The following ZNF215 variants were observed in gnomAD, a reference collection of about 807,000 sequenced individuals.
ZNF215 encodes the protein BWSCR2-associated zinc finger protein 2.
A neutral mutation model predicts 27.2 loss-of-function variants in ZNF215; 24 were observed. The ratio of observed to expected loss-of-function variants is 0.88; its 90% CI spans 0.64 to 1.24. ZNF215 has a LOEUF of 1.24. ZNF215 is among the 50% of genes most tolerant of loss of function. The pLI, the probability that ZNF215 is intolerant of heterozygous loss-of-function variation, is 0.00. For missense variants in ZNF215, 675 were observed against 605.7 expected (o/e 1.11, Z -1.20); for synonymous variants, 210 against 204.0 (o/e 1.03, Z -0.25).
At chr11:6,958,637 G>A (rs1324779632), downstream of ZNF215, among the ~76,000 whole-genome samples, 1 of 152,158 alleles carries the variant, frequency 6.6e-6, no homozygotes, top group Non-Finnish European at 1.5e-5. Context: ...AGTTTATTAA[G>A]GAGTATTGAT....
intron 4 of ZNF215, 40 bp downstream of exon 4, chr11:6,941,693 A>G (rs1355916878): frequency 6.3e-7 from 1 of 1,594,982 alleles, no homozygotes; most frequent in Admixed American, 1.7e-5. Context: ...ACATATGCTC[A>G]TTTTTAGTAT....
rs925998763 is a variant in ZNF215 at position 6,934,461 on chromosome 11, C to A, written c.400+1789C>A. On this transcript the variant is annotated intron_variant, in intron 3 of 6. Coordinates refer to ENST00000278319, the MANE Select transcript of ZNF215 (RefSeq NM_013250.4). ...CAACATGAATATATTATTCTACAAG[C>A]CTGTACATCAGAGATCCAACACGGG... Among the ~76,000 whole-genome samples the A allele has an allele frequency of 3.9e-5, 6 of 152,178 alleles. No individual in the cohort carries two copies. The East Asian group carries it at 9.7e-4, about 25-fold the overall frequency.
chr11:6,950,120 GT>G (rs1392310845), intron 6 of ZNF215, among the ~76,000 whole-genome samples: 2 of 151,592 alleles, frequency 1.3e-5, no homozygotes, highest in Admixed American at 6.6e-5. Context: ...GTATCATGCT[GT>G]TTTGGTTACT....
Position 6,956,095 on chromosome 11 carries a change from A to G in ZNF215, c.1118A>G (p.His373Arg), listed in dbSNP as rs751598080. 3 of 1,613,168 alleles carry G rather than the reference A, an allele frequency of 1.9e-6. No homozygotes were observed. Among genetic ancestry groups the G allele is most frequent in the Non-Finnish European group, 2.5e-6 (3 of 1,179,846 alleles). ...ACAGATATTCGACACCAAAAAAGTC[A>G]TACTACAATGAATTCCTATGAATGT... ...LSTDIRHQKS[H>R]TTMNSYECYQ... Residue 373 changes from histidine (H) to arginine (R), a missense_variant, in exon 7 of 7, where the codon CAT becomes CGT. His to Arg is a conservative substitution (Grantham distance 29, BLOSUM62 0). Transcript: ENST00000278319.
downstream of ZNF215, among the ~76,000 whole-genome samples, chr11:6,961,305 G>T (rs747499690): frequency 1.3e-5 from 2 of 152,052 alleles, no homozygotes; most frequent in Non-Finnish European, 1.5e-5. Flanking sequence ...TATGACCCTG[G>T]AGCCAATGAC....
Position 6,956,386 on chromosome 11 carries a change from C to A in ZNF215, c.1409C>A (p.Ser470Tyr), listed in dbSNP as rs781607242. 5.6e-6 allele frequency: 9 copies of A among 1,614,040 alleles called. No homozygotes were observed. The Admixed American group carries it at 6.7e-5, about 12-fold the overall frequency. Residue 470 changes from serine to tyrosine, a missense_variant, in exon 7 of 7, where the codon TCC (serine) becomes TAC (tyrosine). Ser to Tyr is a moderately radical substitution (Grantham distance 144). Transcript: ENST00000278319. The part of the protein sequence containing the change: ...NFYQCVNCGK[S>Y]FNRSSSLIRH... ...TATCAATGTGTTAACTGTGGAAAATCCTTCAACCGGAGCTCCTCTCTTATT... is the reference window on the plus strand; with the variant it reads ...TATCAATGTGTTAACTGTGGAAAATACTTCAACCGGAGCTCCTCTCTTATT...
chr11:6,948,197 G>A (rs937640086), intron 6 of ZNF215, among the ~76,000 whole-genome samples: 2 of 152,156 alleles, frequency 1.3e-5, no homozygotes, highest in African/African-American at 4.8e-5. Context: ...CAAAATATTT[G>A]TGTTCTTCTC....
At chr11:6,927,282 C>T (rs996854878) in intron 1 of ZNF215, among the ~76,000 whole-genome samples, 1 of 152,150 alleles carries the variant, frequency 6.6e-6, no homozygotes, top group Non-Finnish European at 1.5e-5. Flanking sequence ...ATAATTCTTT[C>T]TCCATTTAAC....
At chr11:6,987,309 G>A (rs191342932), downstream of ZNF215, among the ~76,000 whole-genome samples, 327 of 152,236 alleles carry the variant, frequency 2.1e-3, 1 homozygote, top group Middle Eastern at 3.4e-3. Context: ...TTATACCACG[G>A]AGCTAAACAT....
At chr11:6,992,348 C>A (rs1376786066), downstream of ZNF215, among the ~76,000 whole-genome samples, 1 of 152,148 alleles carries the variant, frequency 6.6e-6, no homozygotes. Flanking sequence ...AGCAAAGTGG[C>A]ATAATTAATA....
At chr11:6,950,563 G>T (rs1349529136) in intron 6 of ZNF215, among the ~76,000 whole-genome samples, 1 of 151,498 alleles carries the variant, frequency 6.6e-6, no homozygotes, top group Non-Finnish European at 1.5e-5. Flanking sequence ...GAATGCTTGT[G>T]ATTTTTGTAC....
intron 3 of ZNF215, 28 bp from the exon 4 acceptor site, chr11:6,941,543 C>A: frequency 6.2e-7 from 1 of 1,608,012 alleles, no homozygotes; most frequent in South Asian, 1.1e-5. Flanking sequence ...AAACTTGTCT[C>A]CCTAATATTT....
At chr11:6,970,938 A>G (rs773146668) in intron 5 of ZNF215, among the ~76,000 whole-genome samples, 5 of 152,170 alleles carry the variant, frequency 3.3e-5, no homozygotes, top group Admixed American at 6.6e-5. Flanking sequence ...GGGGAACTTT[A>G]TCATGCTCTT....
In ZNF215 at chr11:6,932,261, C is replaced by G. The variant is rs757278204; in HGVS notation, c.-12C>G. ...GCGGATTTGAACTACTGTGGGAGTT[C>G]TATTTAGGAAGATGCAGCCTCTGAG... On this transcript the variant is annotated 5_prime_UTR_variant, in exon 3 of 7. Transcript: ENST00000278319. 3 of 1,609,734 alleles carry G rather than the reference C, an allele frequency of 1.9e-6. No homozygotes were observed. The Admixed American group carries it at 5.0e-5, about 27-fold the overall frequency.
downstream of ZNF215, among the ~76,000 whole-genome samples, chr11:6,991,416 C>G (rs1450095563): frequency 6.6e-6 from 1 of 152,208 alleles, no homozygotes; most frequent in Non-Finnish European, 1.5e-5. Flanking sequence ...TGTGGCAGCA[C>G]ACACCGTCGG....
At chr11:6,977,555 C>T (rs1335212265) in intron 5 of ZNF215, among the ~76,000 whole-genome samples, 3 of 151,834 alleles carry the variant, frequency 2.0e-5, no homozygotes, top group African/African-American at 4.8e-5. Context: ...TAGAGTGGGC[C>T]ATAATCCAAT....
intron 6 of ZNF215, among the ~76,000 whole-genome samples, chr11:6,950,289 G>A (rs956263138): frequency 1.3e-5 from 2 of 148,234 alleles, no homozygotes; most frequent in African/African-American, 2.5e-5. Flanking sequence ...GTAGCTTGAT[G>A]GGGATGGCAT....
intron 6 of ZNF215, among the ~76,000 whole-genome samples, chr11:6,944,712 AT>A (rs1255073360): frequency 6.6e-6 from 1 of 151,576 alleles, no homozygotes; most frequent in African/African-American, 2.4e-5. Flanking sequence ...TTTTTAAGCC[AT>A]TTTCTTTGTT....
chr11:6,949,281 G>T (rs1353971798), intron 6 of ZNF215, among the ~76,000 whole-genome samples: 2 of 152,122 alleles, frequency 1.3e-5, no homozygotes, highest in Non-Finnish European at 1.5e-5. Context: ...GGATGGCTGG[G>T]TCAAATGGTA....
Sources: allele counts gnomAD v4.1 joint callset (sites outside exome capture counted in the v4.1 genomes callset), GRCh38; gene constraint gnomAD v4.1.1; transcripts MANE v1.5; gene names NCBI Gene and HGNC (gene_info 2026-07-23, HGNC 2026-07-21).